The following RBM20 variants were observed in gnomAD, a reference collection of about 807,000 sequenced individuals.
RBM20 encodes the protein RNA binding motif protein 20.
Under a neutral mutation model 110.1 loss-of-function variants are expected in RBM20, and 51 were observed. The observed-to-expected ratio is 0.46, with a 90% CI of 0.37 to 0.59. The LOEUF (loss-of-function observed/expected upper bound fraction) is 0.59, where lower values mean the gene tolerates loss of function less well. RBM20 is among the 20% of genes least tolerant of loss of function. The probability of loss-of-function intolerance (pLI) is 0.00; values close to 1 mark genes in which losing one functional copy is unlikely to be tolerated. For missense variants in RBM20, 1,512 were observed against 1,574.9 expected (o/e 0.96, Z 0.68); for synonymous variants, 589 against 618.2 (o/e 0.95, Z 0.70).
intron 8 of RBM20, 148 bp from the exon 9 acceptor site, chr10:110,812,130 A>G: frequency 1.3e-6 from 1 of 755,502 alleles, no homozygotes; most frequent in Non-Finnish European, 2.1e-6. Flanking sequence ...CTCCTGAACC[A>G]CTCTGTGTGG....
intron 1 of RBM20, among the ~76,000 whole-genome samples, chr10:110,685,526 T>C (rs1414498562): frequency 6.6e-6 from 1 of 152,202 alleles, no homozygotes; most frequent in Admixed American, 6.5e-5. Context: ...TATTTTTCTT[T>C]GCTATTTTGG....
intron 1 of RBM20, among the ~76,000 whole-genome samples, chr10:110,672,928 AC>A (rs1440355398): frequency 1.3e-5 from 2 of 152,164 alleles, no homozygotes; most frequent in African/African-American, 4.8e-5. Flanking sequence ...TTTTAATTGT[AC>A]TATGAAGCTC....
At chr10:110,677,922 C>T (rs1049313429) in intron 1 of RBM20, among the ~76,000 whole-genome samples, 1 of 152,120 alleles carries the variant, frequency 6.6e-6, no homozygotes, top group African/African-American at 2.4e-5. Context: ...CACAGCTTAA[C>T]CCTCGGGGAA....
At chr10:110,654,629 T>C (rs1389959693) in intron 1 of RBM20, among the ~76,000 whole-genome samples, 1 of 151,908 alleles carries the variant, frequency 6.6e-6, no homozygotes, top group Non-Finnish European at 1.5e-5. Flanking sequence ...GGCTGGTCAG[T>C]GACTAGCAGT....
intron 1 of RBM20, among the ~76,000 whole-genome samples, chr10:110,703,909 C>T (rs902650968): frequency 4.6e-5 from 7 of 152,124 alleles, no homozygotes; most frequent in Non-Finnish European, 1.0e-4. Flanking sequence ...GCCAGGAGTT[C>T]GAGACCAGCC....
intron 5 of RBM20, among the ~76,000 whole-genome samples, chr10:110,790,100 A>G (rs1000226684): frequency 6.6e-6 from 1 of 152,212 alleles, no homozygotes. Context: ...GGGAACTTGT[A>G]TAAATAAGGA....
At chr10:110,751,867 CT>C (rs934672655) in intron 1 of RBM20, among the ~76,000 whole-genome samples, 106 of 151,616 alleles carry the variant, frequency 7.0e-4, no homozygotes, top group African/African-American at 2.4e-3. Flanking sequence ...CTCAGGCACA[CT>C]TTTTTTTTCT....
chr10:110,724,617 G>A (rs1843542138), intron 1 of RBM20, among the ~76,000 whole-genome samples: 1 of 152,124 alleles, frequency 6.6e-6, no homozygotes, highest in Admixed American at 6.5e-5. Context: ...TAATATCCCT[G>A]CAGCCATGGG....
chr10:110,810,516 TC>T, intron 8 of RBM20, 54 bp downstream of exon 8: 2 of 1,261,652 alleles, frequency 1.6e-6, no homozygotes, highest in Non-Finnish European at 2.3e-6. Context: ...GGGAACAGAC[TC>T]CTGTTTCTCA....
In RBM20 at chr10:110,838,003, G is replaced by A. The variant is rs1252682501; in HGVS notation, c.*2025G>A. On this transcript the variant is annotated 3_prime_UTR_variant, in exon 14 of 14. Transcript: ENST00000369519. ...GAAGTTCTGTCTTCCAGGAAATCAG[G>A]AGAGAGAGAGAGAGAAAGAATAGCC... The A allele has an allele frequency of 6.6e-6, 1 of 151,748 alleles. No individual in the cohort carries two copies. The highest frequency in any genetic ancestry group is 1.5e-5 in the Non-Finnish European group (1 of 67,924). The allele number at this position is 151,748 out of a possible 1,614,324, so 9.4% of individuals were successfully genotyped here. A position where few individuals can be genotyped will look rare whatever the true frequency, so the allele number is the denominator to read the frequency against.
rs1183095506 is a variant in RBM20, at chr10:110,739,866, C to A, written c.192-40935C>A. Among the ~76,000 whole-genome samples, 1 of 152,192 alleles carries A rather than the reference C, an allele frequency of 6.6e-6. No individual in the cohort carries two copies. Among genetic ancestry groups the A allele is most frequent in the African/African-American group, 2.4e-5 (1 of 41,452 alleles). On this transcript the variant is annotated intron_variant, in intron 1 of 13. Transcript: ENST00000369519. This position sits in a 1 kb window ranked among gnomAD's most constrained non-coding sequence, Gnocchi z 4.1. ...TGTGCGACCTGGGTGACTAACACAG[C>A]CCACAAGCAGTGAGGAAGCCACTCC... is the stretch of plus-strand genomic sequence containing the variant.
intron 1 of RBM20, among the ~76,000 whole-genome samples, chr10:110,723,820 G>A (rs375886677): frequency 6.6e-6 from 1 of 152,128 alleles, no homozygotes; most frequent in East Asian, 1.9e-4. Context: ...AGATGAGCAC[G>A]GCCCTTCCTC....
At chr10:110,789,450 T>C (rs994063010) in intron 5 of RBM20, among the ~76,000 whole-genome samples, 9 of 152,062 alleles carry the variant, frequency 5.9e-5, no homozygotes, top group Non-Finnish European at 1.2e-4. Flanking sequence ...TTTTCCTTTT[T>C]ATTGTTATTT....
chr10:110,813,311 T>G (rs914455463), intron 9 of RBM20, among the ~76,000 whole-genome samples: 1 of 152,216 alleles, frequency 6.6e-6, no homozygotes, highest in Non-Finnish European at 1.5e-5. Flanking sequence ...TGGGACATCA[T>G]GGAAAGGCCT....
At chr10:110,699,120 A>G (rs1564818807) in intron 1 of RBM20, among the ~76,000 whole-genome samples, 2 of 152,070 alleles carry the variant, frequency 1.3e-5, no homozygotes, top group Non-Finnish European at 1.5e-5. Flanking sequence ...CGTCTGCGCC[A>G]TGTTAGACGG....
Position 110,812,622 on chromosome 10 carries a change from C to G in RBM20, c.2225C>G (p.Ser742Cys), listed in dbSNP as rs985340296. ...PHREKYPRSG[S>C]PNLPHSVSSY... ...CGGGAGAAGTACCCGAGATCTGGGT[C>G]TCCCAACCTGCCCCACTCTGTGTCC... The change falls in exon 9 of 14, where the codon TCT (serine) becomes TGT (cysteine). Residue 742 changes from serine to cysteine, a missense_variant. Ser to Cys is a moderately radical substitution (Grantham distance 112). Coordinates refer to ENST00000369519, the MANE Select transcript of RBM20 (RefSeq NM_001134363.3). 2.6e-6 allele frequency: 4 copies of G among 1,551,550 alleles called. No individual in the cohort carries two copies. In the African/African-American group the frequency reaches 5.5e-5, roughly 21 times the overall value.
intron 1 of RBM20, among the ~76,000 whole-genome samples, chr10:110,696,929 C>T (rs1430158023): frequency 1.3e-5 from 2 of 152,166 alleles, no homozygotes; most frequent in African/African-American, 4.8e-5. Context: ...TGGAGATTTC[C>T]AGCCTCCCAA....
At chr10:110,826,583 CT>C (rs35918856) in intron 12 of RBM20, among the ~76,000 whole-genome samples, 2,822 of 140,882 alleles carry the variant, frequency 0.02, 43 homozygotes, top group African/African-American at 0.036. Flanking sequence ...CATTCTTCTT[CT>C]TTTTTTTTTT....
At chr10:110,704,113 AAAAAT>A (rs1206340849) in intron 1 of RBM20, among the ~76,000 whole-genome samples, 5 of 152,240 alleles carry the variant, frequency 3.3e-5, no homozygotes, top group Non-Finnish European at 5.9e-5. Flanking sequence ...CTCTGTCTCA[AAAAAT>A]AAAATAAAAT....
Sources: gnomAD v4.1 joint callset for allele counts (sites outside exome capture counted in the v4.1 genomes callset) on GRCh38, gnomAD v4.1.1 for gene constraint, Gnocchi (gnomAD v3.1) non-coding constraint, MANE v1.5 for transcripts, NCBI Gene and HGNC (gene_info 2026-07-23, HGNC 2026-07-21) for gene names.